The following KLHDC4 variants were observed in gnomAD, a reference collection of about 807,000 sequenced individuals.
KLHDC4 encodes kelch domain containing 4.
A neutral mutation model predicts 62.4 loss-of-function variants in KLHDC4; 90 were observed. The observed-to-expected ratio is 1.44, with a 90% confidence interval of 1.22 to 1.72. The LOEUF (loss-of-function observed/expected upper bound fraction) is 1.72, where lower values mean the gene tolerates loss of function less well. Among genes scored for constraint, KLHDC4 ranks in the 40% most tolerant of loss-of-function variants. The pLI, the probability that KLHDC4 is intolerant of heterozygous loss-of-function variation, is 0.00. For missense variants in KLHDC4, 1,025 were observed against 699.7 expected, an observed-to-expected ratio of 1.47 and a Z score of -5.25; for synonymous variants, 386 against 284.4, an observed-to-expected ratio of 1.36 and a Z score of -3.59.
chr16:87,739,166 T>C (rs111172489), intron 5 of KLHDC4, among the ~76,000 whole-genome samples: 11 of 90,066 alleles, frequency 1.2e-4, no homozygotes, highest in South Asian at 4.3e-4. Context: ...ACCTCATCCA[T>C]CCACACACCA....
At chr16:87,718,398 CA>C (rs1219792256) in intron 7 of KLHDC4, among the ~76,000 whole-genome samples, 1 of 139,768 alleles carries the variant, frequency 7.2e-6, no homozygotes, top group Non-Finnish European at 1.6e-5. Context: ...CCTCTCTCTC[CA>C]CGGTCTCCCT....
chr16:87,746,301 G>GA (rs1189245311), intron 5 of KLHDC4, among the ~76,000 whole-genome samples: 1 of 151,248 alleles, frequency 6.6e-6, no homozygotes, highest in Non-Finnish European at 1.5e-5. Context: ...AAAGGAAGGA[G>GA]AAAGAGAGAG....
rs376873605 is a variant in KLHDC4 at position 87,709,765 on chromosome 16, C to A, written c.1045-98G>T. 69 of 1,369,116 alleles carry A rather than the reference C, an allele frequency of 5.0e-5. 1 individual carries two copies. The Middle Eastern group carries it at 7.5e-4, about 15-fold the overall frequency. 84.8% of individuals were successfully genotyped at this position (1,369,116 alleles called of 1,614,324 possible). On this transcript the variant is annotated intron_variant, in intron 9 of 11. Transcript: ENST00000270583. ...GCCAGGCAAGGGTTTGCGGGGACCACCCACAAGCGTGGGGAGTGTGTGACC... is the reference window on the plus strand; with the variant it reads ...GCCAGGCAAGGGTTTGCGGGGACCAACCACAAGCGTGGGGAGTGTGTGACC...
At position 87,709,609 on chromosome 16, in the gene KLHDC4, C is replaced by A. The variant is rs1207067575; in HGVS notation, c.1103G>T (p.Gly368Val). ...AGCTCCCCCACACGCCGGCCTGCTA[C>A]CACCTTCGGGCTCCTCTTTTCTGCC... ...RRGRKEEPEG[G>V]SRPACGGAGT... Residue 368 changes from glycine (G) to valine (V), a missense_variant, in exon 10 of 12, where the codon GGT becomes GTT. Transcript: ENST00000270583. The A allele has an allele frequency of 1.2e-6, 2 of 1,610,988 alleles. No homozygotes were observed. Among genetic ancestry groups the A allele is most frequent in the Non-Finnish European group, 8.5e-7 (1 of 1,178,856 alleles).
chr16:87,746,642 C>G (rs1465426859), intron 5 of KLHDC4, among the ~76,000 whole-genome samples: 1 of 152,154 alleles, frequency 6.6e-6, no homozygotes, highest in East Asian at 1.9e-4. Flanking sequence ...CCAAGGAGAA[C>G]CAGAAATCAC....
rs1173171354 is a variant in KLHDC4 at position 87,758,053 on chromosome 16, T to A, written c.192-1576A>T. Among the ~76,000 whole-genome samples the A allele has an allele frequency of 2.0e-5, 3 of 152,168 alleles. No homozygotes were observed. In the East Asian group the frequency reaches 5.8e-4, roughly 29 times the overall value. ...TCCATAATGCCAACTCCAAAAGATG[T>A]TTCTCAAAGGAAAAACAGGTTTCAA... On this transcript the variant is annotated intron_variant, in intron 2 of 11. Coordinates refer to ENST00000270583, the MANE Select transcript of KLHDC4 (RefSeq NM_017566.4).
chr16:87,711,083 A>G, intron 9 of KLHDC4, 152 bp downstream of exon 9: 1 of 683,906 alleles, frequency 1.5e-6, no homozygotes. Flanking sequence ...CTAGTCACCC[A>G]GGACAGTCAG....
At chr16:87,721,911 C>T (rs1440232129) in intron 7 of KLHDC4, among the ~76,000 whole-genome samples, 1 of 152,028 alleles carries the variant, frequency 6.6e-6, no homozygotes, top group Non-Finnish European at 1.5e-5. Flanking sequence ...TCCATGGAAA[C>T]AGACCACTAG....
chr16:87,755,321 C>A, intron 3 of KLHDC4, 29 bp from the exon 4 acceptor site: 1 of 1,194,822 alleles, frequency 8.4e-7, no homozygotes, highest in South Asian at 1.2e-5. Flanking sequence ...ATGTCAGTGT[C>A]ACAAATGATA....
At chr16:87,732,052 G>A (rs1204827277) in intron 5 of KLHDC4, among the ~76,000 whole-genome samples, 1 of 151,904 alleles carries the variant, frequency 6.6e-6, no homozygotes. Flanking sequence ...GGTGACAAGG[G>A]CCTACATCTT....
At chr16:87,714,049 C>A (rs916943624) in intron 8 of KLHDC4, among the ~76,000 whole-genome samples, 1 of 152,150 alleles carries the variant, frequency 6.6e-6, no homozygotes, top group African/African-American at 2.4e-5. Flanking sequence ...GAAGCCCACA[C>A]CCAGCCTGCC....
chr16:87,731,652 G>A (rs983409432), intron 5 of KLHDC4, among the ~76,000 whole-genome samples: 1 of 151,758 alleles, frequency 6.6e-6, no homozygotes, highest in African/African-American at 2.4e-5. Context: ...ACGTAACACA[G>A]TGAAACAACG....
intron 1 of KLHDC4, among the ~76,000 whole-genome samples, chr16:87,764,079 C>A (rs769154490): frequency 6.6e-6 from 1 of 152,140 alleles, no homozygotes; most frequent in African/African-American, 2.4e-5. Flanking sequence ...TCCAAACTGT[C>A]CCCAATCCTT....
intron 5 of KLHDC4, among the ~76,000 whole-genome samples, chr16:87,737,191 A>G (rs982016096): frequency 4.6e-5 from 7 of 151,778 alleles, no homozygotes; most frequent in Non-Finnish European, 1.0e-4. Flanking sequence ...GCACAGCCAG[A>G]ATTTGAACCA....
intron 2 of KLHDC4, 136 bp from the exon 3 acceptor site, chr16:87,756,613 G>C (rs2044965066): frequency 1.6e-6 from 1 of 610,994 alleles, no homozygotes; most frequent in South Asian, 1.9e-5. Context: ...CTGGCATCGA[G>C]AAAGGAAGCA....
At chr16:87,745,586 C>G (rs1249595228) in intron 5 of KLHDC4, among the ~76,000 whole-genome samples, 1 of 152,248 alleles carries the variant, frequency 6.6e-6, no homozygotes, top group Admixed American at 6.5e-5. Context: ...CTCAGAAAAC[C>G]TTAGCTAAGA....
In KLHDC4 at chr16:87,711,143, C is replaced by A. The variant is rs551443386; in HGVS notation, c.1044+92G>T. On this transcript the variant is annotated intron_variant, in intron 9 of 11. Transcript: ENST00000270583. ...GAGAGCTCATGGGCTTTGGGGGCCC[C>A]AATACCAAAAGGTGCTGGAGGAAGG... The A allele has an allele frequency of 3.6e-6, 5 of 1,384,094 alleles. No homozygotes were observed. The African/African-American group carries it at 5.7e-5, about 16-fold the overall frequency. 85.7% of individuals were successfully genotyped at this position (1,384,094 alleles called of 1,614,324 possible).
intron 4 of KLHDC4, among the ~76,000 whole-genome samples, chr16:87,753,601 A>G (rs1027149352): frequency 1.3e-5 from 2 of 150,974 alleles, no homozygotes; most frequent in Non-Finnish European, 2.9e-5. Context: ...GGAGTTCGAA[A>G]CCAGCCTGGC....
chr16:87,732,080 C>T (rs2040470180), intron 5 of KLHDC4, among the ~76,000 whole-genome samples: 1 of 148,732 alleles, frequency 6.7e-6, no homozygotes, highest in African/African-American at 2.5e-5. Context: ...GTGCTAATTA[C>T]ATAAGTGTGC....
Sources: allele counts gnomAD v4.1 joint callset (sites outside exome capture counted in the v4.1 genomes callset), GRCh38; gene constraint gnomAD v4.1.1; transcripts MANE v1.5; gene names NCBI Gene and HGNC (gene_info 2026-07-23, HGNC 2026-07-21).